RANBP2: variants seen among roughly 807,000 people sequenced by gnomAD.
RANBP2 encodes RAN binding protein 2.
A neutral mutation model predicts 303.6 loss-of-function variants in RANBP2; 57 were observed. That is an observed-to-expected ratio of 0.19 (90% confidence interval 0.15 to 0.23). The LOEUF is 0.23. Ranked by LOEUF, RANBP2 falls within the 10% of genes least tolerant of loss-of-function variation. RANBP2 has a pLI of 1.00. For missense variants in RANBP2, 3,138 were observed against 3,780.8 expected (o/e 0.83, Z 4.46); for synonymous variants, 1,167 against 1,301.5 (o/e 0.90, Z 2.23).
chr2:109,168,839 A>G, the RANBP2 span, among the ~76,000 whole-genome samples: 1 of 152,176 alleles, frequency 6.6e-6, no homozygotes, highest in Non-Finnish European at 1.5e-5. Context: ...TTAAGACCTC[A>G]GTGAGAGTTG....
At chr2:108,910,416 C>T in the RANBP2 span, 1 of 1,526,100 alleles carries the variant, frequency 6.6e-7, no homozygotes, top group Non-Finnish European at 9.1e-7. Context: ...GCTCAGGATC[C>T]ACAGGACCCC....
chr2:109,634,650 G>T, the RANBP2 span, among the ~76,000 whole-genome samples: 1 of 152,172 alleles, frequency 6.6e-6, no homozygotes, highest in Non-Finnish European at 1.5e-5. Context: ...AGACTCAAAT[G>T]GTGACGTGTA....
At chr2:109,187,170 G>A in the RANBP2 span, among the ~76,000 whole-genome samples, 1 of 152,190 alleles carries the variant, frequency 6.6e-6, no homozygotes, top group African/African-American at 2.4e-5. Flanking sequence ...CCACTTCGTC[G>A]TCATTACAAG....
At chr2:108,904,283 T>A in the RANBP2 span, among the ~76,000 whole-genome samples, 1 of 152,078 alleles carries the variant, frequency 6.6e-6, no homozygotes, top group East Asian at 1.9e-4. Flanking sequence ...CTTCTCAGAA[T>A]AGCTAAAACA....
chr2:109,059,533 A>C, the RANBP2 span, among the ~76,000 whole-genome samples: 2 of 151,308 alleles, frequency 1.3e-5, no homozygotes, highest in Non-Finnish European at 2.9e-5. Flanking sequence ...CTGAGATCAC[A>C]CCACTGCACT....
the RANBP2 span, among the ~76,000 whole-genome samples, chr2:108,910,104 G>A: frequency 2.0e-5 from 3 of 152,228 alleles, no homozygotes; most frequent in African/African-American, 7.2e-5. Context: ...GCACCGGCAC[G>A]GGTGGTACTG....
the RANBP2 span, among the ~76,000 whole-genome samples, chr2:109,074,329 C>T: frequency 1.3e-5 from 2 of 150,454 alleles, 1 homozygote; most frequent in Non-Finnish European, 3.0e-5. Flanking sequence ...GATTGTACCA[C>T]TGCACTCCAG....
chr2:109,548,000 T>C, the RANBP2 span, among the ~76,000 whole-genome samples: 1 of 152,150 alleles, frequency 6.6e-6, no homozygotes, highest in East Asian at 1.9e-4. Context: ...TATGTCTTTT[T>C]CATTTTTATA....
chr2:109,200,449 G>A, the RANBP2 span, among the ~76,000 whole-genome samples: 1 of 152,196 alleles, frequency 6.6e-6, no homozygotes, highest in South Asian at 2.1e-4. Flanking sequence ...TGGTCCCTGG[G>A]TATGGCTGTG....
At chr2:108,829,471 CAT>C in the RANBP2 span, among the ~76,000 whole-genome samples, 4 of 152,184 alleles carry the variant, frequency 2.6e-5, no homozygotes, top group Admixed American at 6.5e-5. Context: ...AAAAAATAAA[CAT>C]GGTGGCCCAT....
the RANBP2 span, among the ~76,000 whole-genome samples, chr2:109,055,387 A>G: frequency 7.7e-6 from 1 of 130,498 alleles, no homozygotes; most frequent in African/African-American, 3.1e-5. Context: ...TTTTTGAGAC[A>G]GTCTCACTCT....
At chr2:108,798,703 A>G in the RANBP2 span, 2 of 601,450 alleles carry the variant, frequency 3.3e-6, no homozygotes, top group Non-Finnish European at 5.6e-6. Flanking sequence ...CCTCCTCTCC[A>G]CGCCTACACA....
chr2:109,380,805 C>T, the RANBP2 span, among the ~76,000 whole-genome samples: 1 of 152,214 alleles, frequency 6.6e-6, no homozygotes, highest in African/African-American at 2.4e-5. Context: ...CCTGCATAGG[C>T]AGACATCAAA....
the RANBP2 span, among the ~76,000 whole-genome samples, chr2:109,357,221 G>A: frequency 3.3e-5 from 5 of 150,544 alleles, 1 homozygote; most frequent in African/African-American, 9.8e-5. Flanking sequence ...TTACTCTGTC[G>A]CCCAGGCTGG....
chr2:109,243,306 T>A, the RANBP2 span, among the ~76,000 whole-genome samples: 165 of 152,288 alleles, frequency 1.1e-3, 1 homozygote, highest in African/African-American at 3.8e-3. Context: ...ATCCTGAGAC[T>A]CCCGTGTGCT....
the RANBP2 span, among the ~76,000 whole-genome samples, chr2:109,155,155 GTGT>G: frequency 6.6e-6 from 1 of 152,202 alleles, no homozygotes; most frequent in Non-Finnish European, 1.5e-5. Flanking sequence ...ATGTTCGGTG[GTGT>G]TCGGCATTTT....
chr2:109,312,770 C>T, the RANBP2 span, among the ~76,000 whole-genome samples: 1 of 152,350 alleles, frequency 6.6e-6, no homozygotes, highest in East Asian at 1.9e-4. Flanking sequence ...ATCCATTCAT[C>T]TGCTGACGGA....
chr2:109,214,722 G>C, the RANBP2 span, among the ~76,000 whole-genome samples: 2 of 152,206 alleles, frequency 1.3e-5, no homozygotes, highest in Non-Finnish European at 2.9e-5. Flanking sequence ...CTCCACTCCA[G>C]CTGCAACTCT....
the RANBP2 span, among the ~76,000 whole-genome samples, chr2:109,099,872 C>A: frequency 6.6e-6 from 1 of 152,142 alleles, no homozygotes; most frequent in Non-Finnish European, 1.5e-5. Flanking sequence ...AACCTGCTGT[C>A]TCCATGTGAT....
Sources: allele counts gnomAD v4.1 joint callset (sites outside exome capture counted in the v4.1 genomes callset), GRCh38; gene constraint gnomAD v4.1.1; transcripts MANE v1.5; gene names NCBI Gene and HGNC (gene_info 2026-07-23, HGNC 2026-07-21).